KATNAL1: variants seen among roughly 807,000 people sequenced by gnomAD.
KATNAL1 encodes the protein katanin p60 ATPase-containing subunit A-like 1.
In KATNAL1, 32 loss-of-function variants were observed where a neutral mutation model predicts 55.2. The observed-to-expected ratio is 0.58, with a 90% CI of 0.44 to 0.78. The LOEUF is 0.78. Ranked by LOEUF, KATNAL1 falls within the 30% of genes least tolerant of loss-of-function variation. The probability of loss-of-function intolerance (pLI) is 0.00; values close to 1 mark genes in which losing one functional copy is unlikely to be tolerated. For missense variants in KATNAL1, 466 were observed against 600.9 expected (o/e 0.78, Z 2.35); for synonymous variants, 193 against 193.6 (o/e 1.00, Z 0.02).
intron 4 of KATNAL1, among the ~76,000 whole-genome samples, chr13:30,250,433 T>C (rs1323028591): frequency 6.6e-6 from 1 of 152,242 alleles, no homozygotes; most frequent in Non-Finnish European, 1.5e-5. Flanking sequence ...TACACCTTTT[T>C]TTCATAAAAG....
chr13:30,209,562 C>T (rs1418782966), intron 10 of KATNAL1, among the ~76,000 whole-genome samples: 1 of 152,216 alleles, frequency 6.6e-6, no homozygotes, highest in Admixed American at 6.5e-5. Context: ...ACTGCAGTGA[C>T]AGGAACTGTC....
In KATNAL1 at chr13:30,204,115, A is replaced by T. The variant is rs183813574; in HGVS notation, c.*4425T>A. 5.9e-5 allele frequency: 9 copies of T among 152,272 alleles called. No individual in the cohort carries two copies. Among genetic ancestry groups the T allele is most frequent in the African/African-American group, 2.2e-4 (9 of 41,552 alleles). 9.4% of individuals were successfully genotyped at this position (152,272 alleles called of 1,614,324 possible). A position where few individuals can be genotyped will look rare whatever the true frequency, so the allele number is the denominator to read the frequency against. The stretch of plus-strand genomic sequence containing the variant: ...TCACACAAATATTACGTGCATCACA[A>T]ATTAAGTGGTTTCTTTAAAATATAC... On this transcript the variant is annotated 3_prime_UTR_variant, in exon 11 of 11. Transcript: ENST00000380615.
intron 1 of KATNAL1, among the ~76,000 whole-genome samples, chr13:30,287,951 A>G (rs1336364590): frequency 6.6e-6 from 1 of 152,216 alleles, no homozygotes; most frequent in Non-Finnish European, 1.5e-5. Flanking sequence ...AAAAAATTCC[A>G]TAATTCTTAT....
intron 1 of KATNAL1, among the ~76,000 whole-genome samples, chr13:30,295,667 T>C (rs1882433812): frequency 6.6e-6 from 1 of 152,146 alleles, no homozygotes; most frequent in Non-Finnish European, 1.5e-5. Context: ...AAGTGGCTTC[T>C]TGAGCTGCAA....
chr13:30,280,226 TAAA>T lies in KATNAL1; in HGVS notation c.163-6_163-4del, dbSNP rs376904265. On this transcript the variant is annotated splice_polypyrimidine_tract_variant and splice_region_variant and intron_variant, in intron 2 of 10. Coordinates refer to ENST00000380615, the MANE Select transcript of KATNAL1 (RefSeq NM_032116.5). ...TCCTCCAATAATTCCTGCCGAACCTTAAAAAAAAAAAATAGGCTTTATGCTAGA... is the reference window on the plus strand; with the variant it reads ...TCCTCCAATAATTCCTGCCGAACCTTAAAAAAAAATAGGCTTTATGCTAGA... 3.0e-4 allele frequency: 372 copies of T among 1,257,138 alleles called. No individual in the cohort carries two copies. The highest frequency in any genetic ancestry group is 3.8e-4 in the Non-Finnish European group (350 of 927,694). 77.9% of individuals were successfully genotyped at this position (1,257,138 alleles called of 1,614,324 possible). A position where few individuals can be genotyped will look rare whatever the true frequency, so the allele number is the denominator to read the frequency against.
intron 9 of KATNAL1, chr13:30,210,650 G>GAAAAAAAAAAA: frequency 8.3e-6 from 1 of 120,268 alleles, no homozygotes; most frequent in Non-Finnish European, 1.7e-5. Context: ...ACTAAAAATT[G>GAAAAAAAAAAA]AAAAAAAAAA....
intron 4 of KATNAL1, among the ~76,000 whole-genome samples, chr13:30,246,071 A>C (rs897361316): frequency 2.0e-5 from 3 of 152,220 alleles, no homozygotes; most frequent in African/African-American, 7.2e-5. Context: ...GGAACCAAAA[A>C]GAGCCCATAT....
intron 9 of KATNAL1, among the ~76,000 whole-genome samples, chr13:30,218,403 A>C (rs902641351): frequency 6.6e-6 from 1 of 152,116 alleles, no homozygotes; most frequent in Non-Finnish European, 1.5e-5. Flanking sequence ...GATGCTTAAA[A>C]TGAAAAGAGC....
intron 2 of KATNAL1, among the ~76,000 whole-genome samples, chr13:30,282,297 G>A (rs997715192): frequency 1.5e-4 from 23 of 152,046 alleles, no homozygotes; most frequent in African/African-American, 5.6e-4. Flanking sequence ...TTTGCAAAAT[G>A]GGTCAAAACA....
At chr13:30,210,239 A>T (rs138737245) in intron 10 of KATNAL1, 77 bp downstream of exon 10, 8 of 1,287,842 alleles carry the variant, frequency 6.2e-6, no homozygotes, top group Admixed American at 2.7e-5. Flanking sequence ...CACTGGGCTA[A>T]CTACATTGAC....
chr13:30,296,412 TC>T, intron 1 of KATNAL1: 1 of 959,712 alleles, frequency 1.0e-6, no homozygotes, highest in Non-Finnish European at 1.7e-6. Flanking sequence ...TGGATTAACA[TC>T]CCCCGGAAGG....
intron 9 of KATNAL1, among the ~76,000 whole-genome samples, chr13:30,223,270 T>C (rs966921582): frequency 4.6e-5 from 7 of 150,556 alleles, no homozygotes; most frequent in African/African-American, 1.2e-4. Flanking sequence ...AAACTCCGTC[T>C]CTACTACTAA....
intron 9 of KATNAL1, among the ~76,000 whole-genome samples, 186 bp downstream of exon 9, chr13:30,227,226 C>CT (rs1201857439): frequency 2.0e-5 from 3 of 152,302 alleles, no homozygotes; most frequent in African/African-American, 7.2e-5. Context: ...TTGTTCCAAA[C>CT]TTAAGAATTT....
At chr13:30,214,118 T>C (rs1873966103) in intron 9 of KATNAL1, among the ~76,000 whole-genome samples, 1 of 152,156 alleles carries the variant, frequency 6.6e-6, no homozygotes, top group Non-Finnish European at 1.5e-5. Context: ...CAAGCATTCT[T>C]ATACACCAAT....
intron 3 of KATNAL1, among the ~76,000 whole-genome samples, chr13:30,279,242 A>T (rs1326991301): frequency 6.6e-6 from 1 of 152,198 alleles, no homozygotes; most frequent in Non-Finnish European, 1.5e-5. Flanking sequence ...TTGAATGCCT[A>T]CTACGTGCCA....
At chr13:30,236,185 T>C (rs183840238) in intron 6 of KATNAL1, among the ~76,000 whole-genome samples, 1 of 152,178 alleles carries the variant, frequency 6.6e-6, no homozygotes, top group Non-Finnish European at 1.5e-5. Flanking sequence ...ACTGTAAGGC[T>C]TCCCTAAGTT....
rs1880532791 is a variant in KATNAL1 at position 30,273,471 on chromosome 13, G to T, written c.323+6592C>A. Among the ~76,000 whole-genome samples, 3 of 152,074 alleles carry T rather than the reference G, an allele frequency of 2.0e-5. No homozygotes were observed. In the South Asian group the frequency reaches 6.2e-4, roughly 31 times the overall value. On this transcript the variant is annotated intron_variant, in intron 3 of 10. Transcript: ENST00000380615. ...CTCAGTGTCGTCTTCTAAAAAATAG[G>T]GATGGTAACAATAGTACCTATTTTA... is the stretch of plus-strand genomic sequence containing the variant.
chr13:30,212,496 G>A (rs1054229384), intron 9 of KATNAL1, among the ~76,000 whole-genome samples: 14 of 152,236 alleles, frequency 9.2e-5, no homozygotes, highest in Admixed American at 8.5e-4. Flanking sequence ...CTCCAGCCGA[G>A]CTCAGCCTGC....
At chr13:30,211,644 A>C (rs1039641614) in intron 9 of KATNAL1, among the ~76,000 whole-genome samples, 1 of 152,162 alleles carries the variant, frequency 6.6e-6, no homozygotes, top group African/African-American at 2.4e-5. Flanking sequence ...ATTCTCCCCC[A>C]ATTGATCTTA....
Sources: gnomAD v4.1 joint callset for allele counts (sites outside exome capture counted in the v4.1 genomes callset) on GRCh38, gnomAD v4.1.1 for gene constraint, MANE v1.5 for transcripts, NCBI Gene and HGNC (gene_info 2026-07-23, HGNC 2026-07-21) for gene names.